TTI1: variants seen among roughly 807,000 people sequenced by gnomAD.
TTI1 encodes the protein TELO2 interacting protein 1.
A neutral mutation model predicts 85.4 loss-of-function variants in TTI1; 52 were observed. That is an observed-to-expected ratio of 0.61 (90% CI 0.49 to 0.77). The LOEUF (loss-of-function observed/expected upper bound fraction) is 0.77, where lower values mean the gene tolerates loss of function less well. TTI1 is among the 30% of genes least tolerant of loss of function. TTI1 has a pLI of 0.00. For missense variants in TTI1, 1,173 were observed against 1,296.0 expected (o/e 0.91, Z 1.46); for synonymous variants, 512 against 503.9 (o/e 1.02, Z -0.22).
chr20:38,012,936 A>G lies in TTI1; in HGVS notation c.881T>C (p.Ile294Thr), dbSNP rs2122590181. The G allele has an allele frequency of 6.2e-7, 1 of 1,614,152 alleles. No homozygotes were observed. Among genetic ancestry groups the G allele is most frequent in the East Asian group, 2.2e-5 (1 of 44,888 alleles). Residue 294 changes from isoleucine to threonine, a missense_variant, in exon 2 of 8, where the codon ATA (isoleucine) becomes ACA (threonine). By Grantham distance (89) the Ile-to-Thr change is moderately conservative. Coordinates refer to ENST00000373447, the MANE Select transcript of TTI1 (RefSeq NM_001303457.2). Reference protein sequence around the residue: ...GDKLTILIKKIIECVSVHPHW... With the variant: ...GDKLTILIKKTIECVSVHPHW... The stretch of plus-strand genomic sequence containing the variant: ...TGGGTGAACAGAAACACACTCAATT[A>G]TCTTTTTAATAAGGATAGTCAACTT...
intron 1 of TTI1, among the ~76,000 whole-genome samples, chr20:38,017,661 C>T (rs1436218864): frequency 6.6e-6 from 1 of 152,128 alleles, no homozygotes; most frequent in African/African-American, 2.4e-5. Context: ...TTTTGGTATT[C>T]TTCAAAGCTG....
At position 37,983,935 on chromosome 20, in the gene TTI1, T is replaced by C. The variant is rs554788924; in HGVS notation, c.3087-296A>G. ...AACAAGCTCTTGGCAAAGAAAGAGG[T>C]TGAGTTCCAGAGTAGAAAGCAGGAG... On this transcript the variant is annotated intron_variant, in intron 7 of 7. Transcript: ENST00000373447. 5.3e-5 allele frequency among the ~76,000 whole-genome samples: 8 copies of C among 152,150 alleles called. No homozygotes were observed. In the South Asian group the frequency reaches 1.0e-3, roughly 20 times the overall value.
Position 38,005,483 on chromosome 20 carries a change from C to A in TTI1, c.2503+714G>T, listed in dbSNP as rs1313897950. On this transcript the variant is annotated intron_variant, in intron 3 of 7. Transcript: ENST00000373447. ...CAAATGGACAAAGCATATAAATAGA[C>A]AATGGGAATAAGGAAAAAAAACCTG... Among the ~76,000 whole-genome samples, 6 of 152,010 alleles carry A rather than the reference C, an allele frequency of 3.9e-5. No homozygotes were observed. The South Asian group carries it at 8.3e-4, about 21-fold the overall frequency.
At chr20:38,001,556 A>G (rs907029507) in intron 4 of TTI1, among the ~76,000 whole-genome samples, 1 of 152,254 alleles carries the variant, frequency 6.6e-6, no homozygotes, top group East Asian at 1.9e-4. Context: ...ATGGAACAAC[A>G]GATGAATGCT....
At position 38,013,046 on chromosome 20, in the gene TTI1, C is replaced by T. The variant is rs1466045828; in HGVS notation, c.771G>A (p.Lys257=). The T allele has an allele frequency of 6.2e-7, 1 of 1,614,104 alleles. No homozygotes were observed. The highest frequency in any genetic ancestry group is 8.5e-7 in the Non-Finnish European group (1 of 1,180,034). Reference sequence around the variant, plus strand: ...GCTCAACTGCAGGTTTTGCTTGGACCTTTGAGATTCTTTTGAGCTGTTCAT... The same window carrying T: ...GCTCAACTGCAGGTTTTGCTTGGACTTTTGAGATTCTTTTGAGCTGTTCAT... ...MADEQLKRIS[K]VQAKPAVEHR... Residue 257 remains lysine (K), a synonymous_variant, in exon 2 of 8, where the codon AAG becomes AAA. Transcript: ENST00000373447.
chr20:38,013,104 A>G lies in TTI1; in HGVS notation c.713T>C (p.Ile238Thr). 1 of 1,614,190 alleles carries G rather than the reference A, an allele frequency of 6.2e-7. No homozygotes were observed. The highest frequency in any genetic ancestry group is 1.1e-5 in the South Asian group (1 of 91,086). Residue 238 changes from isoleucine (I) to threonine (T), a missense_variant, in exon 2 of 8, where the codon ATC becomes ACC. By Grantham distance (89) the Ile-to-Thr change is moderately conservative (BLOSUM62 -1). Coordinates refer to ENST00000373447, the MANE Select transcript of TTI1 (RefSeq NM_001303457.2). The stretch of plus-strand genomic sequence containing the variant: ...AATGAAGCTCACTGTCTTGTAAAAG[A>G]TCTTTAGGGAAGATACGACAATGCT... Reference protein sequence around the residue: ...GHSIVVSSLKIFYKTVSFIMA... With the variant: ...GHSIVVSSLKTFYKTVSFIMA...
Position 38,011,976 on chromosome 20 carries a change from C to T in TTI1, c.1841G>A (p.Ser614Asn), listed in dbSNP as rs536182603. Residue 614 changes from serine to asparagine, a missense_variant, in exon 2 of 8, where the codon AGT becomes AAT. Coordinates refer to ENST00000373447, the MANE Select transcript of TTI1 (RefSeq NM_001303457.2). ...VTSFLAFSKP[S>N]PTICSMNSNI... ...ACTGTTCATGGAGCAAATAGTGGGA[C>T]TTGGCTTTGAGAAGGCTAGAAAAGA... 1 of 1,614,236 alleles carries T rather than the reference C, an allele frequency of 6.2e-7. No individual in the cohort carries two copies. The highest frequency in any genetic ancestry group is 1.3e-5 in the African/African-American group (1 of 75,048).
chr20:38,029,885 T>C (rs1425421909), intron 1 of TTI1, among the ~76,000 whole-genome samples: 1 of 152,146 alleles, frequency 6.6e-6, no homozygotes, highest in Admixed American at 6.5e-5. Context: ...CTGCACTGCC[T>C]TGGGACTCTG....
In TTI1 at chr20:37,991,851, G is replaced by A. The variant is rs540716735; in HGVS notation, c.3086+4524C>T. ...ATTCCAGTCCCTAGAACAGTACCTG[G>A]AGACTCCTTGGACATACTAACGTGA... On this transcript the variant is annotated intron_variant, in intron 7 of 7. Coordinates refer to ENST00000373447, the MANE Select transcript of TTI1 (RefSeq NM_001303457.2). Among the ~76,000 whole-genome samples the A allele has an allele frequency of 6.4e-4, 98 of 152,274 alleles. 1 individual carries two copies. Among genetic ancestry groups the A allele is most frequent in the African/African-American group, 2.0e-3 (84 of 41,552 alleles).
chr20:38,026,397 G>C (rs1247452301), intron 1 of TTI1, among the ~76,000 whole-genome samples: 2 of 152,156 alleles, frequency 1.3e-5, no homozygotes, highest in Admixed American at 6.5e-5. Context: ...GGCCTCAAGT[G>C]ATCCACCCAC....
chr20:38,016,254 A>AT (rs1285604813), intron 1 of TTI1, among the ~76,000 whole-genome samples: 1 of 152,056 alleles, frequency 6.6e-6, no homozygotes, highest in Admixed American at 6.6e-5. Context: ...CTGCTGAGGA[A>AT]TTTTTTTTCT....
At chr20:37,985,823 G>C (rs759063051) in intron 7 of TTI1, among the ~76,000 whole-genome samples, 1 of 152,016 alleles carries the variant, frequency 6.6e-6, no homozygotes, top group South Asian at 2.1e-4. Context: ...ACCGGGCCCG[G>C]CCTACTGAAT....
intron 5 of TTI1, 138 bp downstream of exon 5, chr20:37,999,050 T>C: frequency 1.9e-6 from 2 of 1,037,924 alleles, no homozygotes; most frequent in Non-Finnish European, 1.2e-6. Flanking sequence ...TCTTTGTGCT[T>C]TTCTTATGTT....
intron 5 of TTI1, among the ~76,000 whole-genome samples, chr20:37,998,256 CAT>C (rs200710588): frequency 4.6e-5 from 7 of 152,068 alleles, no homozygotes; most frequent in African/African-American, 1.2e-4. Context: ...GGCACACATA[CAT>C]ACACACACAC....
At chr20:38,016,529 G>A (rs1462210725) in intron 1 of TTI1, among the ~76,000 whole-genome samples, 3 of 152,160 alleles carry the variant, frequency 2.0e-5, no homozygotes, top group Non-Finnish European at 2.9e-5. Context: ...GTCTAACATT[G>A]ACCTCATCGC....
Position 38,012,501 on chromosome 20 carries a change from T to C in TTI1, c.1316A>G (p.Asp439Gly), listed in dbSNP as rs2073613292. 6.2e-7 allele frequency: 1 copy of C among 1,614,078 alleles called. No individual in the cohort carries two copies. Among genetic ancestry groups the C allele is most frequent in the South Asian group, 1.1e-5 (1 of 91,084 alleles). ...CTCAACAATCTTGATGTCAGCCACGTCTAGCTCTAGAACTTGGATGAGTGC... is the reference window on the plus strand; with the variant it reads ...CTCAACAATCTTGATGTCAGCCACGCCTAGCTCTAGAACTTGGATGAGTGC... ...SKALIQVLELDVADIKIVEER... is the reference protein window; with the variant it reads ...SKALIQVLELGVADIKIVEER... The change falls in exon 2 of 8, where the codon GAC (aspartate) becomes GGC (glycine). Residue 439 changes from aspartate (D) to glycine (G), a missense_variant. Asp to Gly is a moderately conservative substitution (Grantham distance 94). Coordinates refer to ENST00000373447, the MANE Select transcript of TTI1 (RefSeq NM_001303457.2).
intron 1 of TTI1, among the ~76,000 whole-genome samples, chr20:38,029,689 G>T (rs1007003625): frequency 2.0e-5 from 3 of 152,154 alleles, no homozygotes; most frequent in Non-Finnish European, 4.4e-5. Flanking sequence ...GGTAATATGG[G>T]AATGCTATGG....
chr20:38,005,448 C>T (rs1266359713), intron 3 of TTI1, among the ~76,000 whole-genome samples: 2 of 152,060 alleles, frequency 1.3e-5, no homozygotes, highest in African/African-American at 4.8e-5. Flanking sequence ...AATCTCCTCC[C>T]ACCAACAAAC....
At chr20:38,009,416 C>A (rs1452677432) in intron 2 of TTI1, among the ~76,000 whole-genome samples, 2 of 152,190 alleles carry the variant, frequency 1.3e-5, no homozygotes, top group East Asian at 3.9e-4. Flanking sequence ...TTTCCAACTT[C>A]ATCTTGCAAC....
Sources: allele counts gnomAD v4.1 joint callset (sites outside exome capture counted in the v4.1 genomes callset), GRCh38; gene constraint gnomAD v4.1.1; transcripts MANE v1.5; gene names NCBI Gene and HGNC (gene_info 2026-07-23, HGNC 2026-07-21).